Variants in KIAA1958 observed in about 807,000 individuals in gnomAD.
KIAA1958 encodes KIAA1958.
KIAA1958 carries 14 observed loss-of-function variants against 47.2 expected under a neutral mutation model. That is an observed-to-expected ratio of 0.30 (90% CI 0.20 to 0.46). The LOEUF is 0.46. Among genes scored for constraint, KIAA1958 ranks in the 20% least tolerant of loss-of-function variants. The probability of loss-of-function intolerance (pLI) is 1.00; values close to 1 mark genes in which losing one functional copy is unlikely to be tolerated. For synonymous variants in KIAA1958, 354 were observed against 353.3 expected (o/e 1.00, Z -0.02); for missense variants, 803 against 909.2 (o/e 0.88, Z 1.50).
At chr9:112,557,646 A>G (rs1221992473) in intron 1 of KIAA1958, among the ~76,000 whole-genome samples, 2 of 152,172 alleles carry the variant, frequency 1.3e-5, no homozygotes, top group Non-Finnish European at 2.9e-5. Flanking sequence ...CCACTGATGA[A>G]CCTAGTTTTA....
At chr9:112,491,511 G>T (rs1052785739) in intron 1 of KIAA1958, among the ~76,000 whole-genome samples, 2 of 150,362 alleles carry the variant, frequency 1.3e-5, no homozygotes, top group African/African-American at 4.9e-5. Context: ...AGGACAAAAA[G>T]TAATATGTAT....
chr9:112,575,596 TGTTTA>T (rs1384140821), intron 2 of KIAA1958, among the ~76,000 whole-genome samples: 1 of 152,074 alleles, frequency 6.6e-6, no homozygotes, highest in Non-Finnish European at 1.5e-5. Context: ...AGTAGCAAGG[TGTTTA>T]GTTGCTGTTT....
At chr9:112,547,476 A>G (rs1588012516) in intron 1 of KIAA1958, among the ~76,000 whole-genome samples, 1 of 151,598 alleles carries the variant, frequency 6.6e-6, no homozygotes, top group South Asian at 2.1e-4. Flanking sequence ...CTGAAAAACT[A>G]GTTCGGGCCA....
Position 112,524,122 on chromosome 9 carries a change from C to T in KIAA1958, c.-25+37004C>T, listed in dbSNP as rs536604734. ...AACAAAATGCCACCAGTGGCACAGACGTTAAGAGTTCTGAGGGATCAATAC... is the reference window on the plus strand; with the variant it reads ...AACAAAATGCCACCAGTGGCACAGATGTTAAGAGTTCTGAGGGATCAATAC... On this transcript the variant is annotated intron_variant, in intron 1 of 3. Coordinates refer to ENST00000337530, the MANE Select transcript of KIAA1958 (RefSeq NM_133465.4). Among the ~76,000 whole-genome samples the T allele has an allele frequency of 3.3e-5, 5 of 152,308 alleles. No individual in the cohort carries two copies. In the East Asian group the frequency reaches 5.8e-4, roughly 18 times the overall value.
intron 2 of KIAA1958, among the ~76,000 whole-genome samples, chr9:112,634,213 A>G (rs1406282332): frequency 3.3e-5 from 5 of 152,134 alleles, no homozygotes; most frequent in Non-Finnish European, 7.4e-5. Context: ...TAATATTTCT[A>G]TGCAAGGCCC....
In KIAA1958 at chr9:112,611,994, G is replaced by A. The variant is rs78571210; in HGVS notation, c.1172-33656G>A. 1.6e-3 allele frequency among the ~76,000 whole-genome samples: 236 copies of A among 151,098 alleles called. 4 individuals are homozygous for A. The East Asian group carries it at 0.042, about 27-fold the overall frequency. On this transcript the variant is annotated intron_variant, in intron 2 of 3. Coordinates refer to ENST00000337530, the MANE Select transcript of KIAA1958 (RefSeq NM_133465.4). ...CAGTGAGGAAAAATAGAGTCACAAA[G>A]ACAAACTAAAAAAAGAAAAATATAT...
At chr9:112,530,735 G>A (rs1460370470) in intron 1 of KIAA1958, among the ~76,000 whole-genome samples, 1 of 152,196 alleles carries the variant, frequency 6.6e-6, no homozygotes, top group Non-Finnish European at 1.5e-5. Context: ...ATGGTTGCCA[G>A]TAGCTGAACG....
chr9:112,589,897 A>T (rs943793929), intron 2 of KIAA1958, among the ~76,000 whole-genome samples: 4 of 152,182 alleles, frequency 2.6e-5, no homozygotes, highest in Non-Finnish European at 5.9e-5. Context: ...AGTGGGGAGT[A>T]GGGATGTCCT....
chr9:112,569,816 A>G (rs1307381160), intron 1 of KIAA1958, among the ~76,000 whole-genome samples: 1 of 151,746 alleles, frequency 6.6e-6, no homozygotes, highest in Non-Finnish European at 1.5e-5. Context: ...TAGAAACAGG[A>G]TTTCACCACA....
chr9:112,563,989 G>A (rs997456192), intron 1 of KIAA1958, among the ~76,000 whole-genome samples: 9 of 151,914 alleles, frequency 5.9e-5, no homozygotes, highest in Admixed American at 1.3e-4. Flanking sequence ...ATAATTGAGT[G>A]GTTTTTCTCC....
chr9:112,645,464 A>G lies in KIAA1958; in HGVS notation c.1172-186A>G, dbSNP rs188834639. 1.1e-3 allele frequency among the ~76,000 whole-genome samples: 173 copies of G among 152,326 alleles called. 1 individual carries two copies. The highest frequency in any genetic ancestry group is 3.9e-3 in the African/African-American group (162 of 41,584). ...AAGCTTACTGCATTGATTCCATGCTATAAGTATTGTTCCCTACTTATTCTA... is the reference window on the plus strand; with the variant it reads ...AAGCTTACTGCATTGATTCCATGCTGTAAGTATTGTTCCCTACTTATTCTA... On this transcript the variant is annotated intron_variant, in intron 2 of 3. Transcript: ENST00000337530.
chr9:112,538,072 C>T (rs919392191), intron 1 of KIAA1958, among the ~76,000 whole-genome samples: 32 of 152,004 alleles, frequency 2.1e-4, no homozygotes, highest in African/African-American at 6.5e-4. Flanking sequence ...GGCTCACACC[C>T]GTAATCCCAG....
At chr9:112,501,366 C>T (rs1356063079) in intron 1 of KIAA1958, among the ~76,000 whole-genome samples, 3 of 151,766 alleles carry the variant, frequency 2.0e-5, no homozygotes, top group Non-Finnish European at 4.4e-5. Flanking sequence ...TCACTTGAGC[C>T]CAGGAGTTCA....
At chr9:112,493,554 TTC>T (rs1834006838) in intron 1 of KIAA1958, among the ~76,000 whole-genome samples, 2 of 152,234 alleles carry the variant, frequency 1.3e-5, no homozygotes, top group Non-Finnish European at 2.9e-5. Flanking sequence ...GATTTCTCAA[TTC>T]TGTCTGTTTG....
Position 112,667,202 on chromosome 9 carries a change from A to T in KIAA1958, c.*7133A>T, listed in dbSNP as rs148431360. 13 of 152,354 alleles carry T rather than the reference A, an allele frequency of 8.5e-5. No individual in the cohort carries two copies. The highest frequency in any genetic ancestry group is 1.4e-4 in the African/African-American group (6 of 41,578). The allele number at this position is 152,354 out of a possible 1,614,324, so 9.4% of individuals were successfully genotyped here. A position where few individuals can be genotyped will look rare whatever the true frequency, so the allele number is the denominator to read the frequency against. Reference sequence around the variant, plus strand: ...ATTTAACTGAAAAAGGGATTCAACAAACATTCACATGAACAGGGTCTGGGA... The same window carrying T: ...ATTTAACTGAAAAAGGGATTCAACATACATTCACATGAACAGGGTCTGGGA... On this transcript the variant is annotated 3_prime_UTR_variant, in exon 4 of 4. Transcript: ENST00000337530.
chr9:112,533,252 C>T (rs1184887925), intron 1 of KIAA1958, among the ~76,000 whole-genome samples: 1 of 151,560 alleles, frequency 6.6e-6, no homozygotes, highest in East Asian at 1.9e-4. Flanking sequence ...GAAGGAGTAC[C>T]TCGAACTGGG....
chr9:112,581,225 A>G (rs980242782), intron 2 of KIAA1958, among the ~76,000 whole-genome samples: 1 of 152,188 alleles, frequency 6.6e-6, no homozygotes, highest in Non-Finnish European at 1.5e-5. Flanking sequence ...TGTCAGGGTT[A>G]TTGTGAGGAC....
chr9:112,577,371 A>G (rs1452766748), intron 2 of KIAA1958, among the ~76,000 whole-genome samples: 1 of 152,100 alleles, frequency 6.6e-6, no homozygotes, highest in Non-Finnish European at 1.5e-5. Flanking sequence ...TCCTTGACTA[A>G]TCTCATCATG....
chr9:112,518,719 C>T (rs1049608508), intron 1 of KIAA1958, among the ~76,000 whole-genome samples: 1 of 151,988 alleles, frequency 6.6e-6, no homozygotes, highest in Non-Finnish European at 1.5e-5. Context: ...ATGTGCAATT[C>T]ATTGTATTTC....
Sources: allele counts gnomAD v4.1 joint callset (sites outside exome capture counted in the v4.1 genomes callset), GRCh38; gene constraint gnomAD v4.1.1; transcripts MANE v1.5; gene names NCBI Gene and HGNC (gene_info 2026-07-23, HGNC 2026-07-21).